TCF7L2: variants seen among roughly 807,000 people sequenced by gnomAD.
TCF7L2 encodes the protein transcription factor 7 like 2.
Under a neutral mutation model 77.9 loss-of-function variants are expected in TCF7L2, and 23 were observed. The ratio of observed to expected loss-of-function variants is 0.30; its 90% CI spans 0.21 to 0.42. The LOEUF is 0.42. TCF7L2 is among the 10% of genes least tolerant of loss of function. The pLI is 1.00. For synonymous variants in TCF7L2, 413 were observed against 340.2 expected (o/e 1.21, Z -2.36); for missense variants, 654 against 793.1 (o/e 0.82, Z 2.11).
chr10:113,103,952 C>T (rs977106269), intron 5 of TCF7L2, among the ~76,000 whole-genome samples: 3 of 152,198 alleles, frequency 2.0e-5, no homozygotes, highest in Non-Finnish European at 4.4e-5. Flanking sequence ...TTTCTTAGCA[C>T]TGTGCTCTGA....
At chr10:113,143,899 C>T (rs1053509210) in intron 6 of TCF7L2, 24 bp from the exon 7 acceptor site, 10 of 1,595,716 alleles carry the variant, frequency 6.3e-6, no homozygotes, top group Non-Finnish European at 8.6e-6. Flanking sequence ...TCCTTTGTAC[C>T]TAAAATGCTG....
chr10:113,144,870 T>C (rs1251300705), intron 7 of TCF7L2, among the ~76,000 whole-genome samples: 1 of 152,248 alleles, frequency 6.6e-6, no homozygotes, highest in Non-Finnish European at 1.5e-5. Flanking sequence ...TGTATATTTT[T>C]GCATGAGCAT....
chr10:113,015,335 G>A (rs929587302), intron 4 of TCF7L2, among the ~76,000 whole-genome samples: 5 of 151,868 alleles, frequency 3.3e-5, no homozygotes, highest in Non-Finnish European at 7.4e-5. Context: ...GAAGCACAAA[G>A]TATTATTATT....
intron 4 of TCF7L2, among the ~76,000 whole-genome samples, chr10:112,992,601 G>A (rs547582213): frequency 1.5e-4 from 23 of 152,126 alleles, no homozygotes; most frequent in Non-Finnish European, 8.8e-5. Flanking sequence ...GAGCTCCTGG[G>A]AGGGAAGAGA....
intron 5 of TCF7L2, among the ~76,000 whole-genome samples, chr10:113,126,274 T>G (rs1158987625): frequency 6.6e-6 from 1 of 152,180 alleles, no homozygotes; most frequent in Admixed American, 6.5e-5. Flanking sequence ...CCAAGAATTT[T>G]GAGAGTACTT....
At position 112,999,966 on chromosome 10, in the gene TCF7L2, A is replaced by T. The variant is rs541825150; in HGVS notation, c.450+35342A>T. Among the ~76,000 whole-genome samples the T allele has an allele frequency of 3.9e-5, 6 of 152,192 alleles. No individual in the cohort carries two copies. The South Asian group carries it at 1.0e-3, about 26-fold the overall frequency. ...AAATGAATTGGGGTGTGGACTGTTT[A>T]TGGCCTGTAGGATGCTAGCCCTGAG... is the stretch of plus-strand genomic sequence containing the variant. On this transcript the variant is annotated intron_variant, in intron 4 of 13. Transcript: ENST00000627217.
chr10:113,160,443 TA>T (rs372099391), intron 12 of TCF7L2, among the ~76,000 whole-genome samples: 48 of 152,250 alleles, frequency 3.2e-4, no homozygotes, highest in African/African-American at 1.2e-3. Context: ...TTTATTTTAT[TA>T]TTTTTTTTCT....
At chr10:113,094,830 C>T (rs531111001) in intron 5 of TCF7L2, among the ~76,000 whole-genome samples, 8 of 150,124 alleles carry the variant, frequency 5.3e-5, no homozygotes, top group Non-Finnish European at 8.8e-5. Context: ...TCCAAAGTTC[C>T]GCTGTTGGCC....
At chr10:113,007,650 G>A (rs1229766682) in intron 4 of TCF7L2, among the ~76,000 whole-genome samples, 2 of 152,180 alleles carry the variant, frequency 1.3e-5, no homozygotes, top group Non-Finnish European at 2.9e-5. Flanking sequence ...ATTGGAAGAG[G>A]GCTTCTTTTA....
intron 4 of TCF7L2, among the ~76,000 whole-genome samples, chr10:112,971,303 T>A (rs2038183161): frequency 6.6e-6 from 1 of 152,186 alleles, no homozygotes; most frequent in African/African-American, 2.4e-5. Flanking sequence ...CCTTTTCTTT[T>A]ATTTTTTTTG....
At position 113,141,292 on chromosome 10, in the gene TCF7L2, C is replaced by T. The variant is rs1328304290; in HGVS notation, c.661C>T (p.Pro221Ser). ...GCCGGGAAACCCACCTCCACACTTA[C>T]CAGCCGACGTAGACCCCAAAACAGG... The change falls in exon 6 of 14, where the codon CCA becomes TCA. Residue 221 changes from proline (P) to serine (S), a missense_variant. Transcript: ENST00000627217. 6.8e-6 allele frequency: 11 copies of T among 1,614,060 alleles called. No homozygotes were observed. The Middle Eastern group carries it at 9.9e-4, about 145-fold the overall frequency.
At chr10:113,078,979 C>A (rs1334213096) in intron 5 of TCF7L2, among the ~76,000 whole-genome samples, 1 of 151,936 alleles carries the variant, frequency 6.6e-6, no homozygotes, top group Non-Finnish European at 1.5e-5. Context: ...ATTACAGGTG[C>A]CTGCCACAAT....
intron 5 of TCF7L2, among the ~76,000 whole-genome samples, chr10:113,047,633 T>G (rs1002348856): frequency 3.3e-5 from 5 of 152,236 alleles, no homozygotes; most frequent in South Asian, 2.1e-4. Flanking sequence ...CACATTTTTT[T>G]GTGAATTTTT....
intron 4 of TCF7L2, among the ~76,000 whole-genome samples, chr10:113,011,508 G>A (rs1444843974): frequency 6.6e-6 from 1 of 152,162 alleles, no homozygotes; most frequent in Non-Finnish European, 1.5e-5. Flanking sequence ...CTTAGCAGTT[G>A]CACTGCTGCT....
chr10:113,158,889 T>G, intron 12 of TCF7L2, among the ~76,000 whole-genome samples, 172 bp downstream of exon 13: 1 of 148,260 alleles, frequency 6.7e-6, no homozygotes, highest in South Asian at 2.1e-4. Flanking sequence ...TTGCTTCTGT[T>G]TTTTTTTTTT....
rs71483166 is a variant in TCF7L2, at chr10:112,960,974, C to T, written c.382-3582C>T. Reference sequence around the variant, plus strand: ...TCCCAAAATGCTGGGATTACAGGCGCGAGCCATTGCGCCCAGCCTGGGAAC... The same window carrying T: ...TCCCAAAATGCTGGGATTACAGGCGTGAGCCATTGCGCCCAGCCTGGGAAC... On this transcript the variant is annotated intron_variant, in intron 3 of 13. Transcript: ENST00000627217. 2.7e-3 allele frequency among the ~76,000 whole-genome samples: 412 copies of T among 151,174 alleles called. 2 individuals are homozygous for T. Among genetic ancestry groups the T allele is most frequent in the Non-Finnish European group, 4.7e-3 (318 of 67,766 alleles).
chr10:113,157,514 T>G (rs1262796753), intron 11 of TCF7L2, among the ~76,000 whole-genome samples: 1 of 152,248 alleles, frequency 6.6e-6, no homozygotes, highest in Admixed American at 6.5e-5. Flanking sequence ...AAGCCTCTGC[T>G]AAAGCTTTCA....
chr10:113,097,654 A>AAAAAAAAAAAAAAAAAAAAC (rs2061168242), intron 5 of TCF7L2, among the ~76,000 whole-genome samples: 1 of 129,152 alleles, frequency 7.7e-6, no homozygotes, highest in African/African-American at 3.0e-5. Flanking sequence ...CGGAAAAAAA[A>AAAAAAAAAAAAAAAAAAAAC]AAAAAAAAAA....
intron 5 of TCF7L2, among the ~76,000 whole-genome samples, chr10:113,121,438 C>T: frequency 6.6e-6 from 1 of 152,176 alleles, no homozygotes; most frequent in East Asian, 1.9e-4. Context: ...TGTGGCTTTT[C>T]CCTCCTTTTT....
Sources: gnomAD v4.1 joint callset for allele counts (sites outside exome capture counted in the v4.1 genomes callset) on GRCh38, gnomAD v4.1.1 for gene constraint, MANE v1.5 for transcripts, NCBI Gene and HGNC (gene_info 2026-07-23, HGNC 2026-07-21) for gene names.